NTNG2: variants seen among roughly 807,000 people sequenced by gnomAD.
NTNG2 encodes netrin-G2.
Under a neutral mutation model 47.6 loss-of-function variants are expected in NTNG2, and 15 were observed. The observed-to-expected ratio is 0.32, with a 90% CI of 0.21 to 0.49. NTNG2 has a LOEUF of 0.49. NTNG2 is among the 20% of genes least tolerant of loss of function. The pLI is 0.99. For synonymous variants in NTNG2, 307 were observed against 324.6 expected, an observed-to-expected ratio of 0.95 and a Z score of 0.58; for missense variants, 578 against 764.6, an observed-to-expected ratio of 0.76 and a Z score of 2.88.
At position 132,208,544 on chromosome 9, in the gene NTNG2, T is replaced by A. The variant is rs1589469866; in HGVS notation, c.857+9935T>A. 6.6e-6 allele frequency among the ~76,000 whole-genome samples: 1 copy of A among 151,844 alleles called. No individual in the cohort carries two copies. The highest frequency in any genetic ancestry group is 2.4e-5 in the African/African-American group (1 of 41,302). On this transcript the variant is annotated intron_variant, in intron 3 of 7. Coordinates refer to ENST00000393229, the MANE Select transcript of NTNG2 (RefSeq NM_032536.4). The surrounding 1 kb of genome is among the most constrained non-coding windows in gnomAD (Gnocchi z 4.0). ...CGGGTTCTGGCAGGGACAGGGGCTG[T>A]GATGTGGGCCGCCTGGAGGTGGTCT...
At chr9:132,241,352 A>C (rs1841974529) in intron 7 of NTNG2, 2 of 425,506 alleles carry the variant, frequency 4.7e-6, no homozygotes, top group Non-Finnish European at 8.4e-6. Flanking sequence ...AGCGAGACGG[A>C]GCTGGCAGGT....
chr9:132,236,913 G>T lies in NTNG2; in HGVS notation c.1055-2191G>T, dbSNP rs562884982. Among the ~76,000 whole-genome samples, 1 of 152,346 alleles carries T rather than the reference G, an allele frequency of 6.6e-6. No homozygotes were observed. The highest frequency in any genetic ancestry group is 1.9e-4 in the East Asian group (1 of 5,174). On this transcript the variant is annotated intron_variant, in intron 5 of 7. Coordinates refer to ENST00000393229, the MANE Select transcript of NTNG2 (RefSeq NM_032536.4). The surrounding 1 kb of genome is among the most constrained non-coding windows in gnomAD (Gnocchi z 4.3). ...GGATTCACTTCGGCTGGAGCAGGAA[G>T]AGTGTTTCAGAAAGGAAGGGAGATG...
At position 132,162,064 on chromosome 9, in the gene NTNG2, A is replaced by ACGGCGGCGGCGGCGG. The variant is rs568463296; in HGVS notation, c.-654_-640dup. The ACGGCGGCGGCGGCGG allele has an allele frequency of 6.7e-6, 1 of 149,738 alleles. No individual in the cohort carries two copies. Among genetic ancestry groups the ACGGCGGCGGCGGCGG allele is most frequent in the Non-Finnish European group, 1.5e-5 (1 of 67,466 alleles). The allele number at this position is 149,738 out of a possible 1,614,324, so 9.3% of individuals were successfully genotyped here. A position where few individuals can be genotyped will look rare whatever the true frequency, so the allele number is the denominator to read the frequency against. ...CGGAGGGCTCCCTGGCCCCGATCTG[A>ACGGCGGCGGCGGCGG]CGGCGGCGGCGGCGGCGGCCACAGC... On this transcript the variant is annotated 5_prime_UTR_variant, in exon 1 of 8. Transcript: ENST00000393229. This position sits in a 1 kb window ranked among gnomAD's most constrained non-coding sequence, Gnocchi z 4.6.
At chr9:132,200,833 A>G (rs1838690866) in intron 3 of NTNG2, among the ~76,000 whole-genome samples, 1 of 152,112 alleles carries the variant, frequency 6.6e-6, no homozygotes, top group Non-Finnish European at 1.5e-5. Context: ...TCTGGAAACC[A>G]CCCCATATAT....
chr9:132,183,644 A>T (rs1028924915), intron 2 of NTNG2, among the ~76,000 whole-genome samples: 1 of 152,182 alleles, frequency 6.6e-6, no homozygotes, highest in Non-Finnish European at 1.5e-5. Flanking sequence ...CATTCCCAAA[A>T]GGGAGCAAAT....
chr9:132,229,885 C>T (rs1194646732), intron 4 of NTNG2, among the ~76,000 whole-genome samples: 1 of 152,248 alleles, frequency 6.6e-6, no homozygotes, highest in Non-Finnish European at 1.5e-5. Context: ...TTTCAAGGCC[C>T]CTGGTCACAC....
In NTNG2 at chr9:132,198,381, A is replaced by T. The variant is rs769374475; in HGVS notation, c.629A>T (p.His210Leu). Residue 210 changes from histidine to leucine, a missense_variant, in exon 3 of 8, where the codon CAC becomes CTC. Coordinates refer to ENST00000393229, the MANE Select transcript of NTNG2 (RefSeq NM_032536.4). Reference sequence around the variant, plus strand: ...TGGGCAGGCTCCAAGAAGGAGAAGCACGTGCGCTTCGAGGTGCGGGACCGC... The same window carrying T: ...TGGGCAGGCTCCAAGAAGGAGAAGCTCGTGCGCTTCGAGGTGCGGGACCGC... ...SRWAGSKKEK[H>L]VRFEVRDRFA... The T allele has an allele frequency of 1.9e-6, 3 of 1,612,894 alleles. No homozygotes were observed. In the African/African-American group the frequency reaches 4.0e-5, roughly 22 times the overall value.
At chr9:132,235,724 G>C (rs1486456384) in intron 5 of NTNG2, among the ~76,000 whole-genome samples, 6 of 152,130 alleles carry the variant, frequency 3.9e-5, no homozygotes, top group South Asian at 4.1e-4. Context: ...CAGAAGGTAT[G>C]GGGGGGCAAG....
chr9:132,210,347 C>T (rs1839500786), intron 3 of NTNG2, among the ~76,000 whole-genome samples: 2 of 152,168 alleles, frequency 1.3e-5, no homozygotes, highest in Admixed American at 6.5e-5. Context: ...CCATTGATCC[C>T]TTGAAGGAGT....
Position 132,236,121 on chromosome 9 carries a change from G to A in NTNG2, c.1055-2983G>A, listed in dbSNP as rs1227748054. Among the ~76,000 whole-genome samples, 1 of 152,220 alleles carries A rather than the reference G, an allele frequency of 6.6e-6. No homozygotes were observed. Among genetic ancestry groups the A allele is most frequent in the African/African-American group, 2.4e-5 (1 of 41,452 alleles). On this transcript the variant is annotated intron_variant, in intron 5 of 7. Coordinates refer to ENST00000393229, the MANE Select transcript of NTNG2 (RefSeq NM_032536.4). This position sits in a 1 kb window ranked among gnomAD's most constrained non-coding sequence, Gnocchi z 4.3. ...GGACACCTGGGCAGTTGCTGGATCAGAGAGTCAGAGGGGGCTTCCTGCAGG... is the reference window on the plus strand; with the variant it reads ...GGACACCTGGGCAGTTGCTGGATCAAAGAGTCAGAGGGGGCTTCCTGCAGG...
Position 132,234,523 on chromosome 9 carries a change from C to A in NTNG2, c.1054+3928C>A, listed in dbSNP as rs73545009. On this transcript the variant is annotated intron_variant, in intron 5 of 7. Coordinates refer to ENST00000393229, the MANE Select transcript of NTNG2 (RefSeq NM_032536.4). Reference sequence around the variant, plus strand: ...CCTGGTCCCTGAAAGATCCTGAATACCCCCGAGTGCCTCCCAACAGGTGCT... The same window carrying A: ...CCTGGTCCCTGAAAGATCCTGAATAACCCCGAGTGCCTCCCAACAGGTGCT... 4.5e-3 allele frequency among the ~76,000 whole-genome samples: 689 copies of A among 152,350 alleles called. 7 individuals are homozygous for A. Among genetic ancestry groups the A allele is most frequent in the African/African-American group, 0.016 (662 of 41,576 alleles).
At chr9:132,174,902 ACAGAGC>A (rs1471689959) in intron 2 of NTNG2, among the ~76,000 whole-genome samples, 1 of 116,042 alleles carries the variant, frequency 8.6e-6, no homozygotes, top group South Asian at 2.5e-4. Flanking sequence ...AGCCTGGGCG[ACAGAGC>A]AAGACTCTGT....
At chr9:132,188,977 C>T (rs942971183) in intron 2 of NTNG2, among the ~76,000 whole-genome samples, 2 of 150,924 alleles carry the variant, frequency 1.3e-5, no homozygotes, top group East Asian at 3.9e-4. Flanking sequence ...ATGTTAGTGG[C>T]TGAGGGCCCA....
intron 3 of NTNG2, among the ~76,000 whole-genome samples, chr9:132,203,684 T>A (rs1589455451): frequency 6.6e-6 from 1 of 152,188 alleles, no homozygotes; most frequent in Non-Finnish European, 1.5e-5. Flanking sequence ...ATGCTCAGTG[T>A]CCTCCTGCAG....
Position 132,165,573 on chromosome 9 carries a change from T to C in NTNG2, c.-483-776T>C, listed in dbSNP as rs1265655505. Among the ~76,000 whole-genome samples the C allele has an allele frequency of 3.3e-5, 5 of 152,238 alleles. No individual in the cohort carries two copies. The South Asian group carries it at 1.0e-3, about 32-fold the overall frequency. Reference sequence around the variant, plus strand: ...CTGTTTCTCAGTGCCTGGCTCTTCATGGTTGGCCAGCACGTGGAGCACTCT... The same window carrying C: ...CTGTTTCTCAGTGCCTGGCTCTTCACGGTTGGCCAGCACGTGGAGCACTCT... On this transcript the variant is annotated intron_variant, in intron 1 of 7. Transcript: ENST00000393229.
intron 5 of NTNG2, among the ~76,000 whole-genome samples, chr9:132,234,043 T>G (rs1239967742): frequency 8.2e-6 from 1 of 121,566 alleles, no homozygotes; most frequent in African/African-American, 3.1e-5. Flanking sequence ...TTTTTTTTTT[T>G]TGAGATGGAG....
chr9:132,186,284 C>A (rs983179516), intron 2 of NTNG2, among the ~76,000 whole-genome samples: 1 of 152,206 alleles, frequency 6.6e-6, no homozygotes, highest in African/African-American at 2.4e-5. Flanking sequence ...CAGGGATGCA[C>A]GGGCACTCTT....
At chr9:132,172,765 T>C (rs1181866129) in intron 2 of NTNG2, among the ~76,000 whole-genome samples, 1 of 142,178 alleles carries the variant, frequency 7.0e-6, no homozygotes, top group East Asian at 2.1e-4. Flanking sequence ...AGTCTCGCTC[T>C]GTCGCCCAGG....
chr9:132,183,446 G>A (rs533165689), intron 2 of NTNG2, among the ~76,000 whole-genome samples: 1 of 152,190 alleles, frequency 6.6e-6, no homozygotes, highest in South Asian at 2.1e-4. Context: ...TTGCTCAGTC[G>A]ACCTAGAGCA....
Sources: gnomAD v4.1 joint callset for allele counts (sites outside exome capture counted in the v4.1 genomes callset) on GRCh38, gnomAD v4.1.1 for gene constraint, Gnocchi (gnomAD v3.1) non-coding constraint, MANE v1.5 for transcripts, NCBI Gene and HGNC (gene_info 2026-07-23, HGNC 2026-07-21) for gene names.